The following KDM4C variants were observed in gnomAD, a reference collection of about 807,000 sequenced individuals.
KDM4C encodes the protein lysine-specific demethylase 4C.
In KDM4C, 81 loss-of-function variants were observed where a neutral mutation model predicts 129.3. The observed-to-expected ratio is 0.63, with a 90% CI of 0.52 to 0.75. The LOEUF (loss-of-function observed/expected upper bound fraction) is 0.75. KDM4C is among the 30% of genes least tolerant of loss of function. The probability of loss-of-function intolerance (pLI) is 0.00; values close to 1 mark genes in which losing one functional copy is unlikely to be tolerated. For missense variants in KDM4C, 1,457 were observed against 1,304.0 expected (o/e 1.12, Z -1.81); for synonymous variants, 573 against 456.1 (o/e 1.26, Z -3.26).
At chr9:6,842,833 T>C (rs930876848) in intron 4 of KDM4C, among the ~76,000 whole-genome samples, 4 of 152,190 alleles carry the variant, frequency 2.6e-5, no homozygotes, top group Admixed American at 1.3e-4. Context: ...CCTTCACTAA[T>C]TGCTGTTACC....
At chr9:6,738,521 C>T (rs1185441786) in intron 1 of KDM4C, among the ~76,000 whole-genome samples, 4 of 152,128 alleles carry the variant, frequency 2.6e-5, no homozygotes, top group African/African-American at 9.7e-5. Context: ...GGAGTCTCGA[C>T]CTCCCAAGGC....
chr9:7,130,873 C>G (rs1286722335), intron 19 of KDM4C, among the ~76,000 whole-genome samples: 1 of 151,898 alleles, frequency 6.6e-6, no homozygotes, highest in Non-Finnish European at 1.5e-5. Flanking sequence ...ATCCTCTCGC[C>G]TCAGCCTCTT....
intron 4 of KDM4C, among the ~76,000 whole-genome samples, chr9:6,840,304 C>A (rs1305748266): frequency 2.0e-5 from 3 of 152,060 alleles, no homozygotes; most frequent in Non-Finnish European, 4.4e-5. Flanking sequence ...AACTCCTGGG[C>A]TCAAGCTATC....
intron 5 of KDM4C, among the ~76,000 whole-genome samples, chr9:6,859,592 G>T (rs555550182): frequency 6.4e-4 from 96 of 149,612 alleles, no homozygotes; most frequent in East Asian, 5.7e-3. Flanking sequence ...GGCTGGGCGC[G>T]GTGGCTCACG....
chr9:6,925,137 G>C (rs897309594), intron 8 of KDM4C: 1 of 985,366 alleles, frequency 1.0e-6, no homozygotes, highest in African/African-American at 1.7e-5. Flanking sequence ...TTTCATGGAT[G>C]CCAAGCAGTG....
intron 5 of KDM4C, among the ~76,000 whole-genome samples, chr9:6,858,416 A>C (rs1181750045): frequency 6.6e-6 from 1 of 152,130 alleles, no homozygotes; most frequent in Non-Finnish European, 1.5e-5. Flanking sequence ...TGTTAAATCC[A>C]TAACTCTAGG....
intron 8 of KDM4C, chr9:6,924,914 C>A: frequency 1.0e-6 from 1 of 984,246 alleles, no homozygotes; most frequent in Non-Finnish European, 1.2e-6. Context: ...CAGAGTACAG[C>A]CTTTAGTTCT....
rs569862667 is a variant in KDM4C, at chr9:7,003,562, A to C, written c.1787-8136A>C. On this transcript the variant is annotated intron_variant, in intron 12 of 21. Transcript: ENST00000381309. ...TTTGTATCAGTGTTATTGAGAGGTG[A>C]TACATAAAGAACAAAACTATATACA... is the stretch of plus-strand genomic sequence containing the variant. Among the ~76,000 whole-genome samples, 6 of 152,168 alleles carry C rather than the reference A, an allele frequency of 3.9e-5. No individual in the cohort carries two copies. The South Asian group carries it at 1.0e-3, about 26-fold the overall frequency.
intron 4 of KDM4C, among the ~76,000 whole-genome samples, chr9:6,842,939 C>G (rs1179080901): frequency 6.6e-6 from 1 of 151,830 alleles, no homozygotes; most frequent in East Asian, 1.9e-4. Context: ...TTTTTGTTTT[C>G]TTTTTTCTGA....
At position 6,888,075 on chromosome 9, in the gene KDM4C, T is replaced by G; in HGVS notation, c.783+12T>G. ...TTCCCTTTGACAAGGTATGTTAGTA[T>G]TCATCTTACACAAATTAATTTTGTT... On this transcript the variant is annotated intron_variant, in intron 7 of 21. Coordinates refer to ENST00000381309, the MANE Select transcript of KDM4C (RefSeq NM_015061.6). The G allele has an allele frequency of 7.4e-7, 1 of 1,343,762 alleles. No homozygotes were observed. 83.2% of individuals were successfully genotyped at this position (1,343,762 alleles called of 1,614,324 possible). A position where few individuals can be genotyped will look rare whatever the true frequency, so the allele number is the denominator to read the frequency against.
At chr9:6,975,713 C>T (rs994646372) in intron 8 of KDM4C, among the ~76,000 whole-genome samples, 1 of 141,302 alleles carries the variant, frequency 7.1e-6, no homozygotes, top group Non-Finnish European at 1.6e-5. Flanking sequence ...GGCAAAGTAT[C>T]TGAGATAATT....
At chr9:6,996,853 C>T (rs927082192) in intron 12 of KDM4C, among the ~76,000 whole-genome samples, 1 of 152,098 alleles carries the variant, frequency 6.6e-6, no homozygotes, top group South Asian at 2.1e-4. Context: ...ACAAACATTT[C>T]TTTTATATTT....
chr9:6,820,120 C>G (rs1160028608), intron 4 of KDM4C, among the ~76,000 whole-genome samples: 1 of 152,134 alleles, frequency 6.6e-6, no homozygotes, highest in East Asian at 1.9e-4. Context: ...TCAAGTAGTT[C>G]ATAGACTTTG....
intron 8 of KDM4C, among the ~76,000 whole-genome samples, chr9:6,976,769 A>G (rs1832992878): frequency 6.6e-6 from 1 of 152,118 alleles, no homozygotes; most frequent in Non-Finnish European, 1.5e-5. Context: ...TTGCTTTTTA[A>G]ATTATCCATT....
At chr9:6,845,263 G>C (rs530797944) in intron 4 of KDM4C, among the ~76,000 whole-genome samples, 11 of 152,294 alleles carry the variant, frequency 7.2e-5, no homozygotes, top group African/African-American at 1.9e-4. Context: ...ATGCAGGCAG[G>C]AGTGCAGTGG....
chr9:6,833,990 G>T (rs184321739), intron 4 of KDM4C, among the ~76,000 whole-genome samples: 1 of 151,060 alleles, frequency 6.6e-6, no homozygotes, highest in East Asian at 2.0e-4. Context: ...AGATCCTGCC[G>T]TGTGTGGTGC....
intron 4 of KDM4C, among the ~76,000 whole-genome samples, chr9:6,848,933 T>TACTG (rs1838342376): frequency 6.6e-6 from 1 of 152,252 alleles, no homozygotes; most frequent in South Asian, 2.1e-4. Flanking sequence ...GATCAGTGGA[T>TACTG]ACTGCCAAGA....
intron 8 of KDM4C, among the ~76,000 whole-genome samples, chr9:6,969,412 G>A (rs1416080355): frequency 6.6e-6 from 1 of 151,846 alleles, no homozygotes; most frequent in African/African-American, 2.4e-5. Context: ...AGAACATAGG[G>A]TTTTTTTTAT....
At chr9:6,796,747 TACTC>T (rs1291653876) in intron 2 of KDM4C, among the ~76,000 whole-genome samples, 1 of 152,218 alleles carries the variant, frequency 6.6e-6, no homozygotes, top group African/African-American at 2.4e-5. Context: ...AATTTCCTAT[TACTC>T]ATTATTAGGA....
Sources: gnomAD v4.1 joint callset for allele counts (sites outside exome capture counted in the v4.1 genomes callset) on GRCh38, gnomAD v4.1.1 for gene constraint, MANE v1.5 for transcripts, NCBI Gene and HGNC (gene_info 2026-07-23, HGNC 2026-07-21) for gene names.